RAB11FIP4: variants seen among roughly 807,000 people sequenced by gnomAD.
RAB11FIP4 encodes the protein rab11 family-interacting protein 4.
Under a neutral mutation model 74.3 loss-of-function variants are expected in RAB11FIP4, and 23 were observed. That is an observed-to-expected ratio of 0.31 (90% CI 0.22 to 0.44). The LOEUF (loss-of-function observed/expected upper bound fraction) is 0.44, where lower values mean the gene tolerates loss of function less well. RAB11FIP4 is among the 20% of genes least tolerant of loss of function. The pLI is 1.00. For missense variants in RAB11FIP4, 630 were observed against 863.9 expected (o/e 0.73, Z 3.39); for synonymous variants, 360 against 359.9 (o/e 1.00, Z 0.00).
At position 31,441,661 on chromosome 17, in the gene RAB11FIP4, G is replaced by A. The variant is rs533085055; in HGVS notation, c.336+7539G>A. ...TCCTGCCTCAGCCTCTCGAGTAGCT[G>A]AGATTACAGGCGCCCACGACCATGC... On this transcript the variant is annotated intron_variant, in intron 3 of 14. Coordinates refer to ENST00000621161, the MANE Select transcript of RAB11FIP4 (RefSeq NM_032932.6). Among the ~76,000 whole-genome samples the A allele has an allele frequency of 2.5e-3, 387 of 151,948 alleles. 1 individual carries two copies. The highest frequency in any genetic ancestry group is 8.7e-3 in the African/African-American group (359 of 41,430).
At chr17:31,407,843 G>A (rs892511049) in intron 1 of RAB11FIP4, among the ~76,000 whole-genome samples, 5 of 152,056 alleles carry the variant, frequency 3.3e-5, no homozygotes, top group African/African-American at 9.7e-5. Flanking sequence ...TAATTAATAG[G>A]TAATCTGTGG....
At chr17:31,438,148 C>T (rs998463532) in intron 3 of RAB11FIP4, among the ~76,000 whole-genome samples, 3 of 152,200 alleles carry the variant, frequency 2.0e-5, no homozygotes, top group Non-Finnish European at 4.4e-5. Flanking sequence ...CTGAGACTGT[C>T]CTGCTCAGGC....
intron 3 of RAB11FIP4, among the ~76,000 whole-genome samples, chr17:31,490,094 A>AGG (rs903264696): frequency 4.3e-4 from 66 of 152,196 alleles, no homozygotes; most frequent in Admixed American, 1.7e-3. Context: ...TTGGGGTTCC[A>AGG]GGGGCAGCCT....
intron 3 of RAB11FIP4, among the ~76,000 whole-genome samples, chr17:31,483,616 C>T (rs4794890): frequency 0.37 from 56,224 of 152,034 alleles, 11,352 homozygotes; most frequent in Middle Eastern, 0.46. Context: ...CCACAGAACC[C>T]TGAGGGTTCC....
At chr17:31,485,160 G>C (rs188718281) in intron 3 of RAB11FIP4, among the ~76,000 whole-genome samples, 1 of 152,322 alleles carries the variant, frequency 6.6e-6, no homozygotes, top group African/African-American at 2.4e-5. Context: ...CCATTTTCTA[G>C]AGGTAGAGAC....
rs566029953 is a variant in RAB11FIP4, at chr17:31,512,560, C to G, written c.337-5091C>G. 6.6e-6 allele frequency among the ~76,000 whole-genome samples: 1 copy of G among 152,310 alleles called. No homozygotes were observed. The highest frequency in any genetic ancestry group is 2.1e-4 in the South Asian group (1 of 4,828). Reference sequence around the variant, plus strand: ...TGGGGTGGTGTGGCCATGTACCAGCCAAGCCTGTGGGCCTATGGTGGCTGG... The same window carrying G: ...TGGGGTGGTGTGGCCATGTACCAGCGAAGCCTGTGGGCCTATGGTGGCTGG... On this transcript the variant is annotated intron_variant, in intron 3 of 14. Coordinates refer to ENST00000621161, the MANE Select transcript of RAB11FIP4 (RefSeq NM_032932.6). The surrounding 1 kb of genome is among the most constrained non-coding windows in gnomAD (Gnocchi z 4.1).
chr17:31,513,919 C>T (rs946811846), intron 3 of RAB11FIP4, among the ~76,000 whole-genome samples: 3 of 152,156 alleles, frequency 2.0e-5, no homozygotes, highest in Non-Finnish European at 4.4e-5. Context: ...CTCATCTTCC[C>T]CAGGTGTCAG....
chr17:31,425,511 AGCAACG>A (rs1265487066), intron 1 of RAB11FIP4, among the ~76,000 whole-genome samples: 1 of 152,238 alleles, frequency 6.6e-6, no homozygotes, highest in Non-Finnish European at 1.5e-5. Flanking sequence ...TCAATCAGAC[AGCAACG>A]GCAACGAAGC....
rs552406593 is a variant in RAB11FIP4 at position 31,506,122 on chromosome 17, A to G, written c.337-11529A>G. ...AAGTGTTACATCTTGTTAAATTTCA[A>G]TTGTGTTTCTTGTAAGTGGTATGTA... On this transcript the variant is annotated intron_variant, in intron 3 of 14. Coordinates refer to ENST00000621161, the MANE Select transcript of RAB11FIP4 (RefSeq NM_032932.6). Among the ~76,000 whole-genome samples the G allele has an allele frequency of 2.6e-4, 39 of 152,260 alleles. No individual in the cohort carries two copies. The South Asian group carries it at 2.9e-3, about 11-fold the overall frequency.
intron 1 of RAB11FIP4, among the ~76,000 whole-genome samples, chr17:31,404,806 G>C (rs564956627): frequency 6.6e-6 from 1 of 152,274 alleles, no homozygotes; most frequent in African/African-American, 2.4e-5. Flanking sequence ...CATGAAGATA[G>C]GAGAGTCACT....
At chr17:31,423,792 A>T (rs2071221860) in intron 1 of RAB11FIP4, among the ~76,000 whole-genome samples, 1 of 152,092 alleles carries the variant, frequency 6.6e-6, no homozygotes, top group Non-Finnish European at 1.5e-5. Context: ...CAACAACTTT[A>T]TGGGATCATA....
At chr17:31,493,617 A>G (rs887513368) in intron 3 of RAB11FIP4, among the ~76,000 whole-genome samples, 5 of 152,112 alleles carry the variant, frequency 3.3e-5, no homozygotes, top group African/African-American at 1.2e-4. Flanking sequence ...AGACACAGAC[A>G]CCTGCATCCC....
intron 3 of RAB11FIP4, among the ~76,000 whole-genome samples, chr17:31,453,298 C>T (rs1025862527): frequency 1.1e-4 from 15 of 135,946 alleles, no homozygotes; most frequent in African/African-American, 4.2e-4. Flanking sequence ...CTGCAGTGAG[C>T]TATTATATTA....
intron 1 of RAB11FIP4, 138 bp downstream of exon 1, chr17:31,392,149 A>C (rs2070879696): frequency 1.6e-6 from 1 of 636,772 alleles, no homozygotes; most frequent in Admixed American, 6.0e-5. Context: ...GCCGGAGCCC[A>C]GGACCTCGGC....
intron 3 of RAB11FIP4, among the ~76,000 whole-genome samples, chr17:31,487,452 G>A (rs1036984095): frequency 6.7e-6 from 1 of 148,290 alleles, no homozygotes. Flanking sequence ...AACAGGAAGG[G>A]TCCTCTCCTT....
chr17:31,516,209 T>C (rs2072543124), intron 3 of RAB11FIP4, among the ~76,000 whole-genome samples: 2 of 151,164 alleles, frequency 1.3e-5, no homozygotes, highest in South Asian at 4.2e-4. Context: ...TCATGTAGGG[T>C]GGATCCCAAG....
rs1597991480 is a variant in RAB11FIP4, at chr17:31,533,058, C to T, written c.*1326C>T. ...AAACGTGTGTGGTCTTATTCTTCCC[C>T]CTGCAGTTTCTTGCTTTCTTCAGCA... is the stretch of plus-strand genomic sequence containing the variant. On this transcript the variant is annotated 3_prime_UTR_variant, in exon 15 of 15. Coordinates refer to ENST00000621161, the MANE Select transcript of RAB11FIP4 (RefSeq NM_032932.6). 1 of 152,098 alleles carries T rather than the reference C, an allele frequency of 6.6e-6. No individual in the cohort carries two copies. The highest frequency in any genetic ancestry group is 1.9e-4 in the East Asian group (1 of 5,198). 9.4% of individuals were successfully genotyped at this position (152,098 alleles called of 1,614,324 possible). A position where few individuals can be genotyped will look rare whatever the true frequency, so the allele number is the denominator to read the frequency against.
intron 14 of RAB11FIP4, 62 bp downstream of exon 14, chr17:31,530,531 C>T: frequency 6.3e-7 from 1 of 1,578,240 alleles, no homozygotes; most frequent in South Asian, 1.1e-5. Flanking sequence ...CTTCTCCCGG[C>T]CCCCACCTGC....
rs563466589 is a variant in RAB11FIP4, at chr17:31,435,241, G to A, written c.336+1119G>A. On this transcript the variant is annotated intron_variant, in intron 3 of 14. Coordinates refer to ENST00000621161, the MANE Select transcript of RAB11FIP4 (RefSeq NM_032932.6). ...GTCTCCAGCCCCTCTCCTCTGCCTGGAGGTTGGGGGTAGGTGGGAAGGTGA... is the reference window on the plus strand; with the variant it reads ...GTCTCCAGCCCCTCTCCTCTGCCTGAAGGTTGGGGGTAGGTGGGAAGGTGA... Among the ~76,000 whole-genome samples the A allele has an allele frequency of 3.9e-5, 6 of 152,306 alleles. No homozygotes were observed. In the South Asian group the frequency reaches 1.2e-3, roughly 32 times the overall value.
Sources: gnomAD v4.1 joint callset for allele counts (sites outside exome capture counted in the v4.1 genomes callset) on GRCh38, gnomAD v4.1.1 for gene constraint, Gnocchi (gnomAD v3.1) non-coding constraint, MANE v1.5 for transcripts, NCBI Gene and HGNC (gene_info 2026-07-23, HGNC 2026-07-21) for gene names.